The following FREM1 variants were observed in gnomAD, a reference collection of about 807,000 sequenced individuals.
FREM1 encodes the protein FRAS1 related extracellular matrix 1, also known as FRAS1-related extracellular matrix protein 1.
In FREM1, 220 loss-of-function variants were observed where a neutral mutation model predicts 210.1. The observed-to-expected ratio is 1.05, with a 90% CI of 0.94 to 1.17. The LOEUF is 1.17. Among genes scored for constraint, FREM1 ranks in the 50% most tolerant of loss-of-function variants. The pLI is 0.00. For missense variants in FREM1, 3,454 were observed against 2,675.5 expected, an observed-to-expected ratio of 1.29 and a Z score of -6.42; for synonymous variants, 1,189 against 980.2, an observed-to-expected ratio of 1.21 and a Z score of -3.98.
In FREM1 at chr9:14,899,813, G is replaced by A. The variant is rs190405260; in HGVS notation, c.-268+10101C>T. On this transcript the variant is annotated intron_variant, in intron 1 of 36. Coordinates refer to ENST00000380880, the MANE Select transcript of FREM1 (RefSeq NM_001379081.2). Reference sequence around the variant, plus strand: ...TTCAAACTGTGATGTCCCTGAGCACGGCAAAAACTCATCATGGTGGAAGGT... The same window carrying A: ...TTCAAACTGTGATGTCCCTGAGCACAGCAAAAACTCATCATGGTGGAAGGT... Among the ~76,000 whole-genome samples, 9 of 152,270 alleles carry A rather than the reference G, an allele frequency of 5.9e-5. No homozygotes were observed. The East Asian group carries it at 7.7e-4, about 13-fold the overall frequency.
intron 16 of FREM1, among the ~76,000 whole-genome samples, chr9:14,811,175 CT>C (rs1293195206): frequency 6.6e-6 from 1 of 152,122 alleles, no homozygotes; most frequent in East Asian, 1.9e-4. Context: ...AGTATTCCTT[CT>C]AACTTAGTAA....
chr9:14,899,925 T>G (rs1838473657), intron 1 of FREM1, among the ~76,000 whole-genome samples: 1 of 152,194 alleles, frequency 6.6e-6, no homozygotes, highest in Admixed American at 6.5e-5. Flanking sequence ...TTTGCTCAGT[T>G]CAGCACACCA....
At chr9:14,738,795 A>C (rs7030734) in intron 36 of FREM1, among the ~76,000 whole-genome samples, 89,930 of 151,556 alleles carry the variant, frequency 0.59, 26,847 homozygotes, top group East Asian at 0.77. Flanking sequence ...GGATCACCTG[A>C]GGTCAGGAGT....
chr9:14,756,528 C>A, intron 28 of FREM1, 82 bp from the exon 29 acceptor site: 6 of 940,848 alleles, frequency 6.4e-6, no homozygotes, highest in Non-Finnish European at 9.8e-6. Context: ...TCATACTGGA[C>A]TAAACTCATG....
intron 24 of FREM1, among the ~76,000 whole-genome samples, chr9:14,778,511 G>A (rs749622900): frequency 1.3e-5 from 2 of 149,146 alleles, no homozygotes; most frequent in Non-Finnish European, 3.0e-5. Context: ...GGGAGGCTGA[G>A]GTGGAAGGAT....
Position 14,863,873 on chromosome 9 carries a change from C to T in FREM1, c.265G>A (p.Val89Ile). The T allele has an allele frequency of 6.2e-7, 1 of 1,612,978 alleles. No individual in the cohort carries two copies. The highest frequency in any genetic ancestry group is 8.5e-7 in the Non-Finnish European group (1 of 1,179,054). The change falls in exon 3 of 37, where the codon GTC becomes ATC. Residue 89 changes from valine to isoleucine, a missense_variant. Val to Ile is a conservative substitution (Grantham distance 29). Coordinates refer to ENST00000380880, the MANE Select transcript of FREM1 (RefSeq NM_001379081.2). ...VFDCHFLPNE[V>I]KYVHNGCPIL... is the part of the protein sequence containing the mutation. The stretch of plus-strand genomic sequence containing the variant: ...GGACAACCATTGTGAACATACTTGA[C>T]TTCGTTGGGAAGGAAATGGCAGTCA...
rs530561474 is a variant in FREM1, at chr9:14,789,261, A to AT, written c.3982-148dup. On this transcript the variant is annotated intron_variant, in intron 22 of 36. Coordinates refer to ENST00000380880, the MANE Select transcript of FREM1 (RefSeq NM_001379081.2). ...AGACTACTTTTTGCCACTTTACCTG[A>AT]TTTTTTTTTCTTTTCAAAGAAATAT... is the stretch of plus-strand genomic sequence containing the variant. 2.6e-3 allele frequency: 1,389 copies of AT among 531,884 alleles called. 5 individuals carry two copies. Among genetic ancestry groups the AT allele is most frequent in the Non-Finnish European group, 3.2e-3 (1,012 of 315,322 alleles). The allele number at this position is 531,884 out of a possible 1,614,324, so 32.9% of individuals were successfully genotyped here. A position where few individuals can be genotyped will look rare whatever the true frequency, so the allele number is the denominator to read the frequency against.
chr9:14,783,923 C>G (rs4341240), intron 24 of FREM1, among the ~76,000 whole-genome samples: 33,009 of 152,102 alleles, frequency 0.22, 3,836 homozygotes, highest in Non-Finnish European at 0.23. Flanking sequence ...ACTAATAAAT[C>G]CCTTTTCGTC....
chr9:14,805,695 A>G (rs1818224582), intron 18 of FREM1, among the ~76,000 whole-genome samples: 1 of 152,236 alleles, frequency 6.6e-6, no homozygotes, highest in African/African-American at 2.4e-5. Flanking sequence ...GTCACCAGAA[A>G]AGCTGAGTAA....
At chr9:14,817,909 T>C (rs1461280846) in intron 14 of FREM1, among the ~76,000 whole-genome samples, 1 of 152,198 alleles carries the variant, frequency 6.6e-6, no homozygotes, top group Non-Finnish European at 1.5e-5. Context: ...TGATAATTCT[T>C]TTTTACTAAT....
At chr9:14,805,877 G>A (rs777663111) in intron 18 of FREM1, among the ~76,000 whole-genome samples, 122 of 152,190 alleles carry the variant, frequency 8.0e-4, no homozygotes, top group Non-Finnish European at 1.4e-3. Context: ...TAAGTATCTG[G>A]GACACGTTTT....
At position 14,841,491 on chromosome 9, in the gene FREM1, C is replaced by A; in HGVS notation, c.1837G>T (p.Val613Phe). Reference sequence around the variant, plus strand: ...GGAGGTTCATGGCTGTCCCACAGGACAAATTGAAAAGAATCTTCAAAGATT... The same window carrying A: ...GGAGGTTCATGGCTGTCCCACAGGAAAAATTGAAAAGAATCTTCAAAGATT... ...GEIFEDSFQF[V>F]LWDSHEPPNL... is the part of the protein sequence containing the mutation. The change falls in exon 10 of 37, where the codon GTC becomes TTC. Residue 613 changes from valine (V) to phenylalanine (F), a missense_variant. Coordinates refer to ENST00000380880, the MANE Select transcript of FREM1 (RefSeq NM_001379081.2). 6.2e-7 allele frequency: 1 copy of A among 1,611,544 alleles called. No homozygotes were observed. The highest frequency in any genetic ancestry group is 1.7e-4 in the Middle Eastern group (1 of 6,052).
Position 14,802,111 on chromosome 9 carries a change from T to A in FREM1, c.3472-237A>T, listed in dbSNP as rs576106517. ...TTTCAAAGCACTTTATTCATTTCCATGAAGGACAAAGGACATATAATTTTT... is the reference window on the plus strand; with the variant it reads ...TTTCAAAGCACTTTATTCATTTCCAAGAAGGACAAAGGACATATAATTTTT... On this transcript the variant is annotated intron_variant, in intron 19 of 36. Coordinates refer to ENST00000380880, the MANE Select transcript of FREM1 (RefSeq NM_001379081.2). Among the ~76,000 whole-genome samples the A allele has an allele frequency of 7.9e-5, 12 of 152,320 alleles. 1 individual carries two copies. The South Asian group carries it at 2.5e-3, about 32-fold the overall frequency.
At chr9:14,894,259 C>T (rs1837327521) in intron 1 of FREM1, among the ~76,000 whole-genome samples, 1 of 152,156 alleles carries the variant, frequency 6.6e-6, no homozygotes, top group Non-Finnish European at 1.5e-5. Flanking sequence ...TAATATGACT[C>T]AGCATATGTT....
intron 10 of FREM1, among the ~76,000 whole-genome samples, chr9:14,834,989 A>G (rs1824280283): frequency 6.6e-6 from 1 of 152,208 alleles, no homozygotes; most frequent in Admixed American, 6.5e-5. Flanking sequence ...ATCAAGCTAT[A>G]TTAAGGACTT....
intron 24 of FREM1, among the ~76,000 whole-genome samples, chr9:14,780,628 T>A (rs1849512382): frequency 6.6e-6 from 1 of 152,018 alleles, no homozygotes; most frequent in South Asian, 2.1e-4. Context: ...TCACAAAATA[T>A]TTTTGCAGAA....
chr9:14,802,453 T>C (rs147836710), intron 19 of FREM1, among the ~76,000 whole-genome samples: 11 of 152,350 alleles, frequency 7.2e-5, no homozygotes, highest in Non-Finnish European at 8.8e-5. Flanking sequence ...TTATGTATAT[T>C]TTCATAATGG....
At chr9:14,803,572 T>C (rs897105332) in intron 19 of FREM1, among the ~76,000 whole-genome samples, 9 of 152,112 alleles carry the variant, frequency 5.9e-5, no homozygotes, top group Non-Finnish European at 8.8e-5. Flanking sequence ...TTTTGCCACA[T>C]TGCCCAGGCT....
rs147644215 is a variant in FREM1 at position 14,826,818 on chromosome 9, G to A, written c.1882-1826C>T. On this transcript the variant is annotated intron_variant, in intron 10 of 36. Coordinates refer to ENST00000380880, the MANE Select transcript of FREM1 (RefSeq NM_001379081.2). ...TTCGCTGTGTGAGGACACAGCATTT[G>A]TTCCCTCTGGAGTATACAGCAACGA... Among the ~76,000 whole-genome samples, 274 of 152,278 alleles carry A rather than the reference G, an allele frequency of 1.8e-3. 1 individual carries two copies. The highest frequency in any genetic ancestry group is 6.1e-3 in the African/African-American group (255 of 41,558).
Sources: allele counts gnomAD v4.1 joint callset (sites outside exome capture counted in the v4.1 genomes callset), GRCh38; gene constraint gnomAD v4.1.1; transcripts MANE v1.5; gene names NCBI Gene and HGNC (gene_info 2026-07-23, HGNC 2026-07-21).